ATP1B1: variants seen among roughly 807,000 people sequenced by gnomAD.
ATP1B1 encodes ATPase Na+/K+ transporting subunit beta 1.
A neutral mutation model predicts 39.6 loss-of-function variants in ATP1B1; 3 were observed. The ratio of observed to expected loss-of-function variants is 0.08; its 90% CI spans 0.03 to 0.20. The LOEUF (loss-of-function observed/expected upper bound fraction) is 0.20, where lower values mean the gene tolerates loss of function less well. Ranked by LOEUF, ATP1B1 falls within the 10% of genes least tolerant of loss-of-function variation. ATP1B1 has a pLI of 1.00. For synonymous variants in ATP1B1, 139 were observed against 135.0 expected, an observed-to-expected ratio of 1.03 and a Z score of -0.20; for missense variants, 216 against 371.1, an observed-to-expected ratio of 0.58 and a Z score of 3.43.
At chr1:169,111,806 C>T (rs1172641648) in intron 2 of ATP1B1, among the ~76,000 whole-genome samples, 1 of 152,068 alleles carries the variant, frequency 6.6e-6, no homozygotes, top group African/African-American at 2.4e-5. Context: ...GGGCCTCTGT[C>T]TTCTCATTTT....
chr1:169,131,785 T>C lies in ATP1B1; in HGVS notation c.*230T>C, dbSNP rs1658226496. 1.8e-6 allele frequency: 1 copy of C among 556,710 alleles called. No homozygotes were observed. Among genetic ancestry groups the C allele is most frequent in the African/African-American group, 1.9e-5 (1 of 52,878 alleles). The allele number at this position is 556,710 out of a possible 1,614,324, so 34.5% of individuals were successfully genotyped here. Reference sequence around the variant, plus strand: ...ACAAAAGAAAAAGAAAAATTGAGCCTTGGGACGTGCCCATTTTTACTGTAA... The same window carrying C: ...ACAAAAGAAAAAGAAAAATTGAGCCCTGGGACGTGCCCATTTTTACTGTAA... On this transcript the variant is annotated 3_prime_UTR_variant, in exon 6 of 6. Coordinates refer to ENST00000367815, the MANE Select transcript of ATP1B1 (RefSeq NM_001677.4). The surrounding 1 kb of genome is among the most constrained non-coding windows in gnomAD (Gnocchi z 4.4).
intron 1 of ATP1B1, among the ~76,000 whole-genome samples, chr1:169,109,418 G>A (rs963605012): frequency 6.6e-6 from 1 of 152,008 alleles, no homozygotes; most frequent in Non-Finnish European, 1.5e-5. Context: ...GTCTGAGTGA[G>A]CCACTGCATA....
rs556860076 is a variant in ATP1B1, at chr1:169,119,278, A to G, written c.227-5606A>G. ...CCAGATTATGATTTCTGCCTCTTCAAGTGGCTTTGTTAATTAATGATATAT... is the reference window on the plus strand; with the variant it reads ...CCAGATTATGATTTCTGCCTCTTCAGGTGGCTTTGTTAATTAATGATATAT... On this transcript the variant is annotated intron_variant, in intron 2 of 5. Coordinates refer to ENST00000367815, the MANE Select transcript of ATP1B1 (RefSeq NM_001677.4). Among the ~76,000 whole-genome samples the G allele has an allele frequency of 1.2e-3, 176 of 151,754 alleles. 1 individual carries two copies. The highest frequency in any genetic ancestry group is 1.9e-3 in the Non-Finnish European group (130 of 68,042).
At chr1:169,117,762 T>A (rs1170526462) in intron 2 of ATP1B1, among the ~76,000 whole-genome samples, 1 of 152,258 alleles carries the variant, frequency 6.6e-6, no homozygotes, top group Admixed American at 6.5e-5. Context: ...AGTAATCTGA[T>A]GACCAGCTGG....
At chr1:169,119,838 T>C (rs1191908650) in intron 2 of ATP1B1, among the ~76,000 whole-genome samples, 1 of 152,110 alleles carries the variant, frequency 6.6e-6, no homozygotes, top group African/African-American at 2.4e-5. Flanking sequence ...CTGTAATAAT[T>C]ACCAAATCCA....
chr1:169,116,526 C>A (rs1657850796), intron 2 of ATP1B1, among the ~76,000 whole-genome samples: 1 of 152,106 alleles, frequency 6.6e-6, no homozygotes, highest in African/African-American at 2.4e-5. Context: ...TCAGTTTCAT[C>A]TTGATTGTAA....
intron 3 of ATP1B1, 107 bp downstream of exon 3, chr1:169,125,146 G>A (rs1658060514): frequency 7.2e-7 from 1 of 1,380,192 alleles, no homozygotes; most frequent in Admixed American, 2.5e-5. Flanking sequence ...CTGAAATAAT[G>A]AAAGATTGAA....
intron 5 of ATP1B1, among the ~76,000 whole-genome samples, 154 bp downstream of exon 5, chr1:169,130,244 T>C (rs758644414): frequency 2.0e-5 from 3 of 152,196 alleles, no homozygotes; most frequent in Non-Finnish European, 4.4e-5. Flanking sequence ...GAATTGTAGC[T>C]ATACTAGGTA....
rs746531824 is a variant in ATP1B1 at position 169,127,391 on chromosome 1, C to T, written c.550C>T (p.Leu184=). 2 of 1,611,186 alleles carry T rather than the reference C, an allele frequency of 1.2e-6. No homozygotes were observed. Among genetic ancestry groups the T allele is most frequent in the Non-Finnish European group, 8.5e-7 (1 of 1,179,314 alleles). ...CATTATTATAAAGCTCAACCGAGTT[C>T]TAGGCTTCAAACCTAAGGCAAGTAA... ...PCIIIKLNRV[L]GFKPKPPKNE... is the part of the protein sequence containing the mutation. Residue 184 remains leucine, a synonymous_variant, in exon 4 of 6, where the codon CTA becomes TTA. Transcript: ENST00000367815.
intron 3 of ATP1B1, 41 bp downstream of exon 3, chr1:169,125,080 TC>T (rs1658059073): frequency 6.5e-7 from 1 of 1,540,946 alleles, no homozygotes; most frequent in Non-Finnish European, 8.7e-7. Context: ...TAGTTTTCTT[TC>T]TCTTTAACTC....
intron 2 of ATP1B1, among the ~76,000 whole-genome samples, chr1:169,112,804 G>C (rs1657755154): frequency 1.3e-5 from 2 of 152,294 alleles, no homozygotes; most frequent in South Asian, 4.1e-4. Flanking sequence ...ACTTAAACCT[G>C]CTTAATAATC....
chr1:169,111,359 TC>T lies in ATP1B1; in HGVS notation c.98-10del. On this transcript the variant is annotated splice_polypyrimidine_tract_variant and intron_variant, in intron 1 of 5. Coordinates refer to ENST00000367815, the MANE Select transcript of ATP1B1 (RefSeq NM_001677.4). ...CTGCATCACAGCTTTTTGTTTCTGT[TC>T]TTCTTGCAGTTAAGATCCTTCTATT... 1 of 1,613,974 alleles carries T rather than the reference TC, an allele frequency of 6.2e-7. No homozygotes were observed. The highest frequency in any genetic ancestry group is 8.5e-7 in the Non-Finnish European group (1 of 1,179,970).
At chr1:169,124,280 G>A (rs1658044267) in intron 2 of ATP1B1, among the ~76,000 whole-genome samples, 1 of 152,226 alleles carries the variant, frequency 6.6e-6, no homozygotes, top group East Asian at 1.9e-4. Flanking sequence ...GAAAGCATTT[G>A]TGGTTACTGC....
At chr1:169,117,161 T>C (rs1422818176) in intron 2 of ATP1B1, among the ~76,000 whole-genome samples, 3 of 152,248 alleles carry the variant, frequency 2.0e-5, no homozygotes, top group African/African-American at 7.2e-5. Flanking sequence ...GCTGACGCGA[T>C]GTATCTGTAT....
At chr1:169,107,842 G>A (rs914156968) in intron 1 of ATP1B1, 6 of 152,060 alleles carry the variant, frequency 3.9e-5, no homozygotes, top group Middle Eastern at 6.8e-3. Flanking sequence ...GGGAAGGAGG[G>A]AGGGAACTCC....
At chr1:169,125,457 G>A (rs1265990173) in intron 3 of ATP1B1, among the ~76,000 whole-genome samples, 2 of 152,154 alleles carry the variant, frequency 1.3e-5, no homozygotes, top group African/African-American at 4.8e-5. Flanking sequence ...CACTGCACTG[G>A]CATTCATGAA....
intron 5 of ATP1B1, among the ~76,000 whole-genome samples, chr1:169,130,666 A>G (rs556075552): frequency 6.6e-6 from 1 of 151,682 alleles, no homozygotes; most frequent in South Asian, 2.1e-4. Flanking sequence ...GCGTGCCTGT[A>G]ATCCCAGCTG....
chr1:169,131,607 C>T lies in ATP1B1; in HGVS notation c.*52C>T. ...CCATTTAATAAGTTAAAAAAAGATA[C>T]AAAAACAAAAACCTACTAGTCTTGA... On this transcript the variant is annotated 3_prime_UTR_variant, in exon 6 of 6. Transcript: ENST00000367815. This position sits in a 1 kb window ranked among gnomAD's most constrained non-coding sequence, Gnocchi z 4.4. The T allele has an allele frequency of 6.4e-7, 1 of 1,552,832 alleles. No homozygotes were observed.
chr1:169,126,772 C>CAA (rs985483354), intron 3 of ATP1B1, among the ~76,000 whole-genome samples: 1 of 146,252 alleles, frequency 6.8e-6, no homozygotes, highest in Non-Finnish European at 1.5e-5. Flanking sequence ...AAATTCTGAC[C>CAA]AAAAAAAAAA....
Sources: allele counts gnomAD v4.1 joint callset (sites outside exome capture counted in the v4.1 genomes callset), GRCh38; gene constraint gnomAD v4.1.1; non-coding constraint Gnocchi (gnomAD v3.1); transcripts MANE v1.5; gene names NCBI Gene and HGNC (gene_info 2026-07-23, HGNC 2026-07-21).